Variants in ABCB4 observed in about 807,000 individuals in gnomAD.
ABCB4 encodes the protein phosphatidylcholine translocator ABCB4.
A neutral mutation model predicts 145.7 loss-of-function variants in ABCB4; 76 were observed. The ratio of observed to expected loss-of-function variants is 0.52; its 90% CI spans 0.43 to 0.63. The LOEUF is 0.63. Among genes scored for constraint, ABCB4 ranks in the 30% least tolerant of loss-of-function variants. ABCB4 has a pLI of 0.00. For missense variants in ABCB4, 1,234 were observed against 1,553.1 expected, an observed-to-expected ratio of 0.79 and a Z score of 3.45; for synonymous variants, 517 against 566.8, an observed-to-expected ratio of 0.91 and a Z score of 1.25.
At chr7:87,416,551 C>T (rs1265613882) in intron 21 of ABCB4, among the ~76,000 whole-genome samples, 1 of 152,118 alleles carries the variant, frequency 6.6e-6, no homozygotes, top group Non-Finnish European at 1.5e-5. Flanking sequence ...TACATGTGAA[C>T]ATTTCAGTGC....
chr7:87,449,053 TGA>T (rs1421133213), intron 8 of ABCB4, among the ~76,000 whole-genome samples: 1 of 152,210 alleles, frequency 6.6e-6, no homozygotes, highest in Non-Finnish European at 1.5e-5. Flanking sequence ...CCAAACTCAT[TGA>T]GATATACACA....
chr7:87,388,749 T>C, the ABCB4 span, among the ~76,000 whole-genome samples: 35 of 152,118 alleles, frequency 2.3e-4, no homozygotes, highest in African/African-American at 7.5e-4. Context: ...ACAAAATCAA[T>C]GGCAACAAAA....
chr7:87,459,214 G>T (rs1812296407), intron 4 of ABCB4, among the ~76,000 whole-genome samples: 1 of 152,212 alleles, frequency 6.6e-6, no homozygotes, highest in South Asian at 2.1e-4. Context: ...GTACTGTTAA[G>T]TATATTCACA....
chr7:87,414,371 T>C (rs1193382818), intron 21 of ABCB4, among the ~76,000 whole-genome samples: 1 of 152,204 alleles, frequency 6.6e-6, no homozygotes, highest in Non-Finnish European at 1.5e-5. Context: ...GGTCTGAATA[T>C]ACAGCATCCG....
At chr7:87,440,007 T>C (rs1810863031) in intron 13 of ABCB4, among the ~76,000 whole-genome samples, 170 bp from the exon 14 acceptor site, 1 of 152,242 alleles carries the variant, frequency 6.6e-6, no homozygotes, top group African/African-American at 2.4e-5. Context: ...ACACATGCTG[T>C]ATAAAATTTT....
chr7:87,375,771 C>G, the ABCB4 span: 2 of 1,612,158 alleles, frequency 1.2e-6, no homozygotes, highest in Non-Finnish European at 1.7e-6. Context: ...CTAACAAACT[C>G]TTTTGATGTA....
intron 15 of ABCB4, among the ~76,000 whole-genome samples, chr7:87,428,569 G>A (rs1448291833): frequency 6.6e-6 from 1 of 152,172 alleles, no homozygotes; most frequent in Non-Finnish European, 1.5e-5. Context: ...AAGTGAAATT[G>A]AAAGGAACAA....
At chr7:87,371,094 A>C in the ABCB4 span, among the ~76,000 whole-genome samples, 1 of 152,204 alleles carries the variant, frequency 6.6e-6, no homozygotes, top group South Asian at 2.1e-4. Context: ...CCAGTTTATT[A>C]ATCTTTTAAT....
the ABCB4 span, among the ~76,000 whole-genome samples, chr7:87,367,005 G>A: frequency 6.6e-6 from 1 of 152,130 alleles, no homozygotes; most frequent in Non-Finnish European, 1.5e-5. Flanking sequence ...CAACAGATAT[G>A]AGCAATCTTC....
intron 24 of ABCB4, among the ~76,000 whole-genome samples, 160 bp from the exon 25 acceptor site, chr7:87,408,394 T>G (rs747464582): frequency 2.0e-5 from 3 of 152,220 alleles, no homozygotes; most frequent in Non-Finnish European, 4.4e-5. Context: ...CAAGTTATTA[T>G]GGTGTGAAAT....
At chr7:87,456,416 G>A (rs1812106092) in intron 4 of ABCB4, among the ~76,000 whole-genome samples, 1 of 152,116 alleles carries the variant, frequency 6.6e-6, no homozygotes, top group Non-Finnish European at 1.5e-5. Context: ...CCCTCCCTGA[G>A]ATAATGAGCG....
downstream of ABCB4, among the ~76,000 whole-genome samples, chr7:87,398,028 A>G (rs1264981850): frequency 3.3e-5 from 5 of 151,688 alleles, no homozygotes; most frequent in South Asian, 1.0e-3. Context: ...AGATGGTGGA[A>G]GGCATGACTT....
At chr7:87,406,156 GA>G in intron 26 of ABCB4, 131 bp downstream of exon 26, 1 of 899,824 alleles carries the variant, frequency 1.1e-6, no homozygotes, top group South Asian at 1.4e-5. Flanking sequence ...TTGGTATCCT[GA>G]AGTGCCTTGT....
chr7:87,382,532 A>T, the ABCB4 span: 1 of 1,613,564 alleles, frequency 6.2e-7, no homozygotes, highest in Non-Finnish European at 8.5e-7. Context: ...CCTATTACAG[A>T]CTTCATGGAC....
intron 6 of ABCB4, chr7:87,452,679 T>G (rs1811825618): frequency 1.9e-6 from 1 of 521,010 alleles, no homozygotes; most frequent in Admixed American, 3.2e-5. Context: ...ACCTGTCACG[T>G]CCTGCAGTAG....
At chr7:87,382,712 G>A in the ABCB4 span, among the ~76,000 whole-genome samples, 1 of 152,044 alleles carries the variant, frequency 6.6e-6, no homozygotes, top group African/African-American at 2.4e-5. Context: ...GATCTGTGGT[G>A]GTTTCACAGT....
At chr7:87,369,335 A>T in the ABCB4 span, 1 of 1,401,972 alleles carries the variant, frequency 7.1e-7, no homozygotes, top group Non-Finnish European at 1.0e-6. Flanking sequence ...CTCCTGTTTA[A>T]CCTTAGATTT....
intron 9 of ABCB4, among the ~76,000 whole-genome samples, chr7:87,446,259 T>C (rs191864361): frequency 6.6e-6 from 1 of 152,266 alleles, no homozygotes; most frequent in African/African-American, 2.4e-5. Flanking sequence ...TTTAGCAAGA[T>C]AGGGAAGTAC....
chr7:87,438,175 A>G (rs1810734954), intron 14 of ABCB4, among the ~76,000 whole-genome samples: 1 of 152,162 alleles, frequency 6.6e-6, no homozygotes, highest in Admixed American at 6.5e-5. Context: ...TTTGGTAAAT[A>G]TATCTCTCAT....
Sources: allele counts gnomAD v4.1 joint callset (sites outside exome capture counted in the v4.1 genomes callset), GRCh38; gene constraint gnomAD v4.1.1; transcripts MANE v1.5; gene names NCBI Gene and HGNC (gene_info 2026-07-23, HGNC 2026-07-21).